Variants in RIPOR3 observed in about 807,000 individuals in gnomAD.
The protein encoded by RIPOR3 is RIPOR family member 3.
RIPOR3 carries 95 observed loss-of-function variants against 114.3 expected under a neutral mutation model. The observed-to-expected ratio is 0.83, with a 90% CI of 0.70 to 0.99. The LOEUF (loss-of-function observed/expected upper bound fraction) is 0.99. RIPOR3 is among the 50% of genes least tolerant of loss of function. The probability of loss-of-function intolerance (pLI) is 0.00; values close to 1 mark genes in which losing one functional copy is unlikely to be tolerated. For synonymous variants in RIPOR3, 575 were observed against 543.8 expected (o/e 1.06, Z -0.80); for missense variants, 1,252 against 1,266.9 (o/e 0.99, Z 0.18).
At chr20:50,618,971 G>A (rs1462885400) in intron 3 of RIPOR3, among the ~76,000 whole-genome samples, 1 of 152,154 alleles carries the variant, frequency 6.6e-6, no homozygotes, top group Non-Finnish European at 1.5e-5. Context: ...AGCACTCTGG[G>A]AGGCCGAGAT....
intron 1 of RIPOR3, among the ~76,000 whole-genome samples, chr20:50,643,573 T>C (rs1331105546): frequency 6.6e-6 from 1 of 152,026 alleles, no homozygotes; most frequent in Admixed American, 6.5e-5. Context: ...CAGGACCCCC[T>C]GAGGCTATGT....
At chr20:50,661,867 C>G (rs2086008302) in intron 1 of RIPOR3, among the ~76,000 whole-genome samples, 1 of 152,228 alleles carries the variant, frequency 6.6e-6, no homozygotes, top group Admixed American at 6.5e-5. Context: ...TGGGAGGAAT[C>G]ACATTCACTC....
intron 19 of RIPOR3, chr20:50,590,000 G>A: frequency 2.3e-6 from 1 of 440,296 alleles, no homozygotes; most frequent in East Asian, 4.0e-5. Flanking sequence ...ATACAATGAA[G>A]AAAGCTATTT....
chr20:50,644,662 T>G (rs6096043), intron 1 of RIPOR3, among the ~76,000 whole-genome samples: 45,617 of 118,306 alleles, frequency 0.39, 8,595 homozygotes, highest in African/African-American at 0.63. Context: ...TTCTGTTTTG[T>G]TTTTTTTTGT....
rs372397483 is a variant in RIPOR3 at position 50,594,699 on chromosome 20, G to A, written c.2066C>T (p.Ser689Leu). Residue 689 changes from serine to leucine, a missense_variant, in exon 17 of 22, where the codon TCG becomes TTG. Ser to Leu is a moderately radical substitution (Grantham distance 145, BLOSUM62 -2). Transcript: ENST00000327979. ...TSIEEIIPQA[S>L]RTKGCLKLWR... The stretch of plus-strand genomic sequence containing the variant: ...CAGCTTCAGGCACCCCTTCGTCCGC[G>A]AGGCCTGTGGGATGACTGAAAGCCC... 36 of 1,611,442 alleles carry A rather than the reference G, an allele frequency of 2.2e-5. No homozygotes were observed. The highest frequency in any genetic ancestry group is 2.7e-5 in the Non-Finnish European group (32 of 1,178,126).
intron 1 of RIPOR3, among the ~76,000 whole-genome samples, chr20:50,639,084 A>T (rs556626098): frequency 1.3e-5 from 2 of 152,142 alleles, no homozygotes; most frequent in East Asian, 3.9e-4. Context: ...TCTACTAAAA[A>T]CACAGAAATT....
chr20:50,626,377 ATAT>A (rs891948249), intron 2 of RIPOR3, among the ~76,000 whole-genome samples: 1 of 152,188 alleles, frequency 6.6e-6, no homozygotes, highest in Non-Finnish European at 1.5e-5. Flanking sequence ...GGGGTCTGAG[ATAT>A]TAGAGCCATC....
rs1175649616 is a variant in RIPOR3 at position 50,610,771 on chromosome 20, C to T, written c.426+82G>A. 5 of 1,592,768 alleles carry T rather than the reference C, an allele frequency of 3.1e-6. No homozygotes were observed. In the African/African-American group the frequency reaches 6.7e-5, roughly 21 times the overall value. ...CCTGATCCCTGTTTCGAGGGCACCT[C>T]CCCAGCTCCTGCTAACCTAGCTGAG... On this transcript the variant is annotated intron_variant, in intron 6 of 21. Transcript: ENST00000327979.
chr20:50,593,507 G>A (rs941974713), intron 17 of RIPOR3, among the ~76,000 whole-genome samples: 1 of 152,142 alleles, frequency 6.6e-6, no homozygotes, highest in South Asian at 2.1e-4. Context: ...GGAGGTGGAG[G>A]TTGTAGTGAG....
intron 1 of RIPOR3, among the ~76,000 whole-genome samples, chr20:50,686,168 T>C (rs2087015004): frequency 6.6e-6 from 1 of 151,960 alleles, no homozygotes; most frequent in African/African-American, 2.4e-5. Context: ...GCCATTCTCC[T>C]GCCTCAGCCT....
intron 2 of RIPOR3, 137 bp downstream of exon 2, chr20:50,630,601 G>GTC (rs2084784551): frequency 1.9e-6 from 1 of 519,672 alleles, no homozygotes; most frequent in Non-Finnish European, 3.4e-6. Context: ...CTCTCTCTCT[G>GTC]TCTCTCTCGG....
At chr20:50,601,923 A>T in intron 13 of RIPOR3, 149 bp downstream of exon 13, 2 of 724,088 alleles carry the variant, frequency 2.8e-6, no homozygotes, top group Non-Finnish European at 4.3e-6. Context: ...CAGATGAGGA[A>T]ACCAAGGCCC....
intron 1 of RIPOR3, among the ~76,000 whole-genome samples, chr20:50,653,410 CA>C (rs1351585742): frequency 6.8e-6 from 1 of 146,818 alleles, no homozygotes. Flanking sequence ...GTGAATATGC[CA>C]AAAAAAAGAA....
intron 1 of RIPOR3, among the ~76,000 whole-genome samples, chr20:50,665,737 G>A (rs572684269): frequency 9.2e-5 from 14 of 152,072 alleles, no homozygotes; most frequent in Admixed American, 6.6e-4. Flanking sequence ...TTCTTATGGC[G>A]AATGATCCCA....
chr20:50,587,462 A>T, intron 21 of RIPOR3, 130 bp from the exon 22 acceptor site: 2 of 749,012 alleles, frequency 2.7e-6, no homozygotes, highest in Non-Finnish European at 4.5e-6. Flanking sequence ...CAGGGGAGGG[A>T]GTATGTGCGG....
At chr20:50,689,584 G>A (rs1433586128) in intron 1 of RIPOR3, among the ~76,000 whole-genome samples, 2 of 152,212 alleles carry the variant, frequency 1.3e-5, no homozygotes, top group Non-Finnish European at 2.9e-5. Flanking sequence ...CAGGGTTGCG[G>A]AGAGATTTTA....
At chr20:50,608,859 C>A (rs2083832676) in intron 9 of RIPOR3, 53 bp downstream of exon 9, 1 of 1,605,906 alleles carries the variant, frequency 6.2e-7, no homozygotes, top group South Asian at 1.1e-5. Flanking sequence ...AGCTCCCGTC[C>A]CCCAAAGACC....
chr20:50,681,539 C>T (rs1185214263), intron 1 of RIPOR3, among the ~76,000 whole-genome samples: 2 of 152,172 alleles, frequency 1.3e-5, no homozygotes, highest in Admixed American at 1.3e-4. Flanking sequence ...TAATTTCAGG[C>T]AAGTCACTTA....
intron 11 of RIPOR3, among the ~76,000 whole-genome samples, chr20:50,607,756 C>T (rs867234589): frequency 1.4e-4 from 22 of 152,270 alleles, no homozygotes; most frequent in Admixed American, 3.9e-4. Context: ...CGGACACCCA[C>T]CCTAGGGAGA....
Sources: gnomAD v4.1 joint callset for allele counts (sites outside exome capture counted in the v4.1 genomes callset) on GRCh38, gnomAD v4.1.1 for gene constraint, MANE v1.5 for transcripts, NCBI Gene and HGNC (gene_info 2026-07-23, HGNC 2026-07-21) for gene names.